Variants in SIPA1L1 observed in about 807,000 individuals in gnomAD.
The protein encoded by SIPA1L1 is signal-induced proliferation-associated 1-like protein 1.
In SIPA1L1, 26 loss-of-function variants were observed where a neutral mutation model predicts 162.7. The ratio of observed to expected loss-of-function variants is 0.16; its 90% CI spans 0.12 to 0.22. The LOEUF (loss-of-function observed/expected upper bound fraction) is 0.22. SIPA1L1 is among the 10% of genes least tolerant of loss of function. SIPA1L1 has a pLI of 1.00. For missense variants in SIPA1L1, 1,874 were observed against 2,241.0 expected (o/e 0.84, Z 3.31); for synonymous variants, 829 against 837.4 (o/e 0.99, Z 0.17).
intron 2 of SIPA1L1, among the ~76,000 whole-genome samples, chr14:71,429,359 T>A (rs1370778569): frequency 6.6e-6 from 1 of 152,132 alleles, no homozygotes; most frequent in Non-Finnish European, 1.5e-5. Flanking sequence ...TGTATTTTTG[T>A]ATTTTAGAAA....
intron 2 of SIPA1L1, among the ~76,000 whole-genome samples, chr14:71,506,590 C>G (rs560817956): frequency 6.6e-6 from 1 of 152,312 alleles, no homozygotes; most frequent in African/African-American, 2.4e-5. Flanking sequence ...ATCCACCCGC[C>G]TCAACCTCCC....
At chr14:71,731,228 C>T (rs371229631) in intron 20 of SIPA1L1, among the ~76,000 whole-genome samples, 4 of 152,192 alleles carry the variant, frequency 2.6e-5, no homozygotes, top group African/African-American at 7.2e-5. Flanking sequence ...TCTCAGCCCA[C>T]GCTCATGAAT....
chr14:71,412,242 G>A (rs1026894612), intron 2 of SIPA1L1, among the ~76,000 whole-genome samples: 2 of 152,184 alleles, frequency 1.3e-5, no homozygotes, highest in Non-Finnish European at 2.9e-5. Flanking sequence ...TGTGGCACAG[G>A]ATGGCTTTGA....
At chr14:71,404,144 T>C (rs986986008) in intron 2 of SIPA1L1, among the ~76,000 whole-genome samples, 1 of 152,210 alleles carries the variant, frequency 6.6e-6, no homozygotes, top group African/African-American at 2.4e-5. Context: ...GTCAACTTTT[T>C]GTAAATTTGC....
chr14:71,582,108 A>G (rs2034012141), intron 4 of SIPA1L1, among the ~76,000 whole-genome samples: 1 of 152,142 alleles, frequency 6.6e-6, no homozygotes, highest in South Asian at 2.1e-4. Context: ...GCACTTTGGT[A>G]GGATCCCTTG....
At chr14:71,645,276 C>T (rs2042061452) in intron 7 of SIPA1L1, among the ~76,000 whole-genome samples, 1 of 152,200 alleles carries the variant, frequency 6.6e-6, no homozygotes, top group South Asian at 2.1e-4. Flanking sequence ...ATAATCCTGG[C>T]TACTCTCCCC....
At chr14:71,517,275 G>C (rs1490603046) in intron 3 of SIPA1L1, among the ~76,000 whole-genome samples, 3 of 151,742 alleles carry the variant, frequency 2.0e-5, no homozygotes, top group Non-Finnish European at 4.4e-5. Context: ...AGTGATACTG[G>C]CCCAGTCTTC....
At chr14:71,702,935 C>T (rs1361606187) in intron 15 of SIPA1L1, among the ~76,000 whole-genome samples, 2 of 152,162 alleles carry the variant, frequency 1.3e-5, no homozygotes, top group African/African-American at 2.4e-5. Context: ...AATCTCTTTC[C>T]TCCCTGATGT....
At position 71,738,230 on chromosome 14, in the gene SIPA1L1, CT is replaced by C; in HGVS notation, c.5124-9del. The C allele has an allele frequency of 8.4e-6, 12 of 1,433,856 alleles. No individual in the cohort carries two copies. The highest frequency in any genetic ancestry group is 1.2e-5 in the Non-Finnish European group (12 of 1,039,194). 88.8% of individuals were successfully genotyped at this position (1,433,856 alleles called of 1,614,324 possible). On this transcript the variant is annotated splice_polypyrimidine_tract_variant and intron_variant, in intron 22 of 23. Coordinates refer to ENST00000381232, the MANE Select transcript of SIPA1L1 (RefSeq NM_001386936.1). ...CCCCTGCCAACATGGTCTTTTGTTTCTTGTTCCCAGCAGTAAAGACTCCTCT... is the reference window on the plus strand; with the variant it reads ...CCCCTGCCAACATGGTCTTTTGTTTCTGTTCCCAGCAGTAAAGACTCCTCT...
chr14:71,461,128 T>C (rs948691749), intron 2 of SIPA1L1, among the ~76,000 whole-genome samples: 5 of 152,192 alleles, frequency 3.3e-5, no homozygotes, highest in African/African-American at 1.2e-4. Context: ...GGCAAACCCA[T>C]ATCTGGAGTA....
At chr14:71,670,042 A>G (rs2044366679) in intron 10 of SIPA1L1, among the ~76,000 whole-genome samples, 1 of 152,180 alleles carries the variant, frequency 6.6e-6, no homozygotes, top group Non-Finnish European at 1.5e-5. Flanking sequence ...AGTTCAGAAG[A>G]AACCGATTTT....
intron 7 of SIPA1L1, among the ~76,000 whole-genome samples, chr14:71,637,990 A>G (rs1335357109): frequency 6.6e-6 from 1 of 152,206 alleles, no homozygotes; most frequent in African/African-American, 2.4e-5. Context: ...ACTCCTCAGA[A>G]AACAGTCACA....
At chr14:71,505,967 C>CT (rs68088644) in intron 2 of SIPA1L1, among the ~76,000 whole-genome samples, 3 of 148,556 alleles carry the variant, frequency 2.0e-5, no homozygotes, top group Non-Finnish European at 4.5e-5. Flanking sequence ...TATTCCCCCC[C>CT]CCCAAAAAAA....
At chr14:71,721,706 C>G (rs1170730209) in intron 17 of SIPA1L1, among the ~76,000 whole-genome samples, 2 of 152,332 alleles carry the variant, frequency 1.3e-5, no homozygotes, top group East Asian at 3.9e-4. Flanking sequence ...AGCCTCTCCC[C>G]AAACTTCCCT....
intron 12 of SIPA1L1, among the ~76,000 whole-genome samples, chr14:71,678,889 AAG>A (rs2045497914): frequency 6.6e-6 from 1 of 151,950 alleles, no homozygotes; most frequent in South Asian, 2.1e-4. Flanking sequence ...TTAGAGAAAA[AAG>A]AGTAAAAAAA....
rs565929163 is a variant in SIPA1L1, at chr14:71,343,430, A to C, written c.-465+22249A>C. ...CTAGTTGGGAATTCAGGAAGAATAG[A>C]GAAAAATATCTTATCAGGAGATGAA... On this transcript the variant is annotated intron_variant, in intron 2 of 23. Transcript: ENST00000381232. Among the ~76,000 whole-genome samples the C allele has an allele frequency of 3.5e-4, 53 of 152,328 alleles. No homozygotes were observed. The South Asian group carries it at 9.5e-3, about 27-fold the overall frequency.
chr14:71,723,542 A>C, intron 17 of SIPA1L1, 105 bp from the exon 18 acceptor site: 2 of 1,300,456 alleles, frequency 1.5e-6, no homozygotes, highest in East Asian at 4.7e-5. Flanking sequence ...GTTCATGAAA[A>C]ATTCACTGTT....
chr14:71,333,764 A>T (rs958330151), intron 2 of SIPA1L1, among the ~76,000 whole-genome samples: 1 of 152,228 alleles, frequency 6.6e-6, no homozygotes, highest in East Asian at 1.9e-4. Context: ...TTGGTCTGAC[A>T]TCTTTAAAGA....
chr14:71,730,373 C>T, intron 20 of SIPA1L1, 72 bp downstream of exon 20: 1 of 1,549,998 alleles, frequency 6.5e-7, no homozygotes, highest in Non-Finnish European at 8.8e-7. Context: ...GTGGCTGCCA[C>T]TCATGTGCTC....
Sources: allele counts gnomAD v4.1 joint callset (sites outside exome capture counted in the v4.1 genomes callset), GRCh38; gene constraint gnomAD v4.1.1; transcripts MANE v1.5; gene names NCBI Gene and HGNC (gene_info 2026-07-23, HGNC 2026-07-21).